SMG6: variants seen among roughly 807,000 people sequenced by gnomAD.
SMG6 encodes the protein SMG6 nonsense mediated mRNA decay factor, also known as telomerase-binding protein EST1A.
SMG6 carries 66 observed loss-of-function variants against 142.2 expected under a neutral mutation model. The ratio of observed to expected loss-of-function variants is 0.46; its 90% confidence interval spans 0.38 to 0.57. SMG6 has a LOEUF of 0.57. Among genes scored for constraint, SMG6 ranks in the 20% least tolerant of loss-of-function variants. The probability of loss-of-function intolerance (pLI) is 0.00; values close to 1 mark genes in which losing one functional copy is unlikely to be tolerated. For synonymous variants in SMG6, 779 were observed against 702.4 expected (o/e 1.11, Z -1.72); for missense variants, 1,793 against 1,832.0 (o/e 0.98, Z 0.39).
Position 2,160,159 on chromosome 17 carries a change from A to G in SMG6, c.3357+12499T>C, listed in dbSNP as rs189783225. Reference sequence around the variant, plus strand: ...CCATACATTCAAATGTATACCTTTCATTGTATGTAAATATATATTAGTAAG... The same window carrying G: ...CCATACATTCAAATGTATACCTTTCGTTGTATGTAAATATATATTAGTAAG... On this transcript the variant is annotated intron_variant, in intron 13 of 18. Transcript: ENST00000263073. Among the ~76,000 whole-genome samples the G allele has an allele frequency of 1.1e-3, 164 of 152,250 alleles. 1 individual carries two copies. The highest frequency in any genetic ancestry group is 3.6e-3 in the African/African-American group (149 of 41,550).
intron 13 of SMG6, among the ~76,000 whole-genome samples, chr17:2,113,254 T>A (rs2069395967): frequency 6.6e-6 from 1 of 152,026 alleles, no homozygotes; most frequent in Non-Finnish European, 1.5e-5. Flanking sequence ...TTTTTTTTTT[T>A]ATTTTTTGTA....
At chr17:2,157,620 C>T (rs2071046973) in intron 13 of SMG6, among the ~76,000 whole-genome samples, 1 of 152,164 alleles carries the variant, frequency 6.6e-6, no homozygotes, top group Non-Finnish European at 1.5e-5. Context: ...TTCCTTTTGC[C>T]AAAACCAATC....
chr17:2,080,404 C>T (rs994705078), intron 15 of SMG6, among the ~76,000 whole-genome samples: 9 of 152,060 alleles, frequency 5.9e-5, no homozygotes, highest in African/African-American at 1.9e-4. Context: ...GGCAACACAG[C>T]GAGACTCTGT....
At chr17:2,275,726 A>G (rs537385810) in intron 8 of SMG6, among the ~76,000 whole-genome samples, 2 of 152,352 alleles carry the variant, frequency 1.3e-5, no homozygotes, top group African/African-American at 4.8e-5. Flanking sequence ...TAGCCACTAA[A>G]TAACAAATGC....
At chr17:2,130,245 C>T (rs1191482103) in intron 13 of SMG6, among the ~76,000 whole-genome samples, 26 of 77,322 alleles carry the variant, frequency 3.4e-4, no homozygotes, top group Admixed American at 2.5e-3. Flanking sequence ...CCGGCCTGGG[C>T]GACAGAGCGA....
intron 13 of SMG6, among the ~76,000 whole-genome samples, chr17:2,151,804 G>A (rs1481026907): frequency 6.6e-6 from 1 of 152,186 alleles, no homozygotes; most frequent in Non-Finnish European, 1.5e-5. Flanking sequence ...GAGACCCATG[G>A]TGAGTATGTT....
rs146886918 is a variant in SMG6 at position 2,299,917 on chromosome 17, C to T, written c.836G>A (p.Arg279His). 240 of 1,614,032 alleles carry T rather than the reference C, an allele frequency of 1.5e-4. No individual in the cohort carries two copies. The highest frequency in any genetic ancestry group is 2.5e-4 in the Admixed American group (15 of 60,002). ...CTTGGTCCTATCCTGTCGGCGGCGGCGACATCCATTATCCGTCAGGCCAGC... is the reference window on the plus strand; with the variant it reads ...CTTGGTCCTATCCTGTCGGCGGCGGTGACATCCATTATCCGTCAGGCCAGC... ...EGAGLTDNGC[R>H]RRRQDRTKER... The change falls in exon 2 of 19, where the codon CGC becomes CAC. Residue 279 changes from arginine (R) to histidine (H), a missense_variant. Physicochemically the swap from Arg to His is conservative, Grantham distance 29. Around this residue, in one of 3 missense-constraint regions of SMG6, gnomAD observed 1,597 missense variants for 1,584.6 expected, o/e 1.01. Coordinates refer to ENST00000263073, the MANE Select transcript of SMG6 (RefSeq NM_017575.5). This position sits in a 1 kb window ranked among gnomAD's most constrained non-coding sequence, Gnocchi z 4.3.
chr17:2,256,106 G>C (rs970779285), intron 8 of SMG6: 1 of 162,806 alleles, frequency 6.1e-6, no homozygotes, highest in Non-Finnish European at 1.3e-5. Context: ...TTGTTTGTCT[G>C]CTGACCTTCC....
In SMG6 at chr17:2,236,499, C is replaced by T; in HGVS notation, c.2862G>A (p.Gln954=). The change falls in exon 10 of 19, where the codon CAG becomes CAA. Residue 954 remains glutamine (Q), a synonymous_variant. Transcript: ENST00000263073. ...AAACTAAACATGCCTTACCTTTCAGCTGGGAGTTGTGTACTGCAAACATAT... is the reference window on the plus strand; with the variant it reads ...AAACTAAACATGCCTTACCTTTCAGTTGGGAGTTGTGTACTGCAAACATAT... ...TINMFAVHNS[Q]LKDCFSEECR... 6.2e-7 allele frequency: 1 copy of T among 1,612,224 alleles called. No homozygotes were observed. The highest frequency in any genetic ancestry group is 8.5e-7 in the Non-Finnish European group (1 of 1,179,146).
chr17:2,290,213 C>T (rs2075000998), intron 6 of SMG6, among the ~76,000 whole-genome samples: 1 of 152,114 alleles, frequency 6.6e-6, no homozygotes, highest in Admixed American at 6.5e-5. Context: ...CACTACTGAA[C>T]TTCAAGACAT....
intron 8 of SMG6, chr17:2,255,671 CG>C: frequency 5.8e-6 from 1 of 171,586 alleles, no homozygotes; most frequent in Non-Finnish European, 1.2e-5. Flanking sequence ...GCCACTACCC[CG>C]TCTGGGAGGT....
In SMG6 at chr17:2,149,349, CAAAAAAAAA is replaced by C. The variant is rs1178295829; in HGVS notation, c.3357+23300_3357+23308del. Among the ~76,000 whole-genome samples the C allele has an allele frequency of 5.3e-3, 378 of 71,112 alleles. 4 individuals carry two copies. Among genetic ancestry groups the C allele is most frequent in the African/African-American group, 0.018 (355 of 20,226 alleles). The allele number at this position is 71,112 out of a possible 152,430, so 46.7% of individuals were successfully genotyped here. ...TGGGTGACAGAGCGAGATTCCCCCT[CAAAAAAAAA>C]AAAAAAAAAAAAAAAAGGGTTAAAA... On this transcript the variant is annotated intron_variant, in intron 13 of 18. Transcript: ENST00000263073.
chr17:2,064,044 C>G (rs552194878), intron 18 of SMG6, among the ~76,000 whole-genome samples: 154 of 152,026 alleles, frequency 1.0e-3, no homozygotes, highest in Admixed American at 1.6e-3. Flanking sequence ...TAAAGAGACT[C>G]ATGCAGGAGT....
At chr17:2,180,864 A>G (rs899811632) in intron 12 of SMG6, among the ~76,000 whole-genome samples, 4 of 152,190 alleles carry the variant, frequency 2.6e-5, no homozygotes, top group Admixed American at 2.6e-4. Context: ...TGGTCACCTT[A>G]TCTTAGGATC....
intron 13 of SMG6, among the ~76,000 whole-genome samples, chr17:2,134,398 G>A (rs570409466): frequency 8.7e-5 from 9 of 103,574 alleles, no homozygotes; most frequent in Admixed American, 1.6e-4. Flanking sequence ...GAGCCTGGGC[G>A]ATAAGAGCGA....
chr17:2,238,078 C>T (rs976899964), intron 9 of SMG6, among the ~76,000 whole-genome samples: 4 of 152,202 alleles, frequency 2.6e-5, no homozygotes, highest in Non-Finnish European at 5.9e-5. Context: ...TCACCCATCT[C>T]GGCCCTTCCC....
intron 10 of SMG6, among the ~76,000 whole-genome samples, chr17:2,227,066 G>A (rs2073341071): frequency 6.6e-6 from 1 of 152,042 alleles, no homozygotes; most frequent in Non-Finnish European, 1.5e-5. Flanking sequence ...AAAATAAAAA[G>A]AAATGACAAT....
At chr17:2,206,585 AAAT>A (rs1021941236) in intron 10 of SMG6, among the ~76,000 whole-genome samples, 1 of 151,790 alleles carries the variant, frequency 6.6e-6, no homozygotes, top group African/African-American at 2.4e-5. Flanking sequence ...TCTCTAAAAA[AAAT>A]AATAAAATTT....
chr17:2,201,610 T>C (rs1167984434), intron 10 of SMG6, among the ~76,000 whole-genome samples: 3 of 144,192 alleles, frequency 2.1e-5, no homozygotes, highest in Non-Finnish European at 3.0e-5. Context: ...ACCTGGGAGG[T>C]GGAGGTTGTA....
Sources: gnomAD v4.1 joint callset for allele counts (sites outside exome capture counted in the v4.1 genomes callset) on GRCh38, gnomAD v4.1.1 for gene constraint, gnomAD v4.1.1 regional missense constraint, Gnocchi (gnomAD v3.1) non-coding constraint, MANE v1.5 for transcripts, NCBI Gene and HGNC (gene_info 2026-07-23, HGNC 2026-07-21) for gene names.